Variants in FAM168A observed in about 807,000 individuals in gnomAD.
FAM168A encodes family with sequence similarity 168 member A.
FAM168A carries 3 observed loss-of-function variants against 28.5 expected under a neutral mutation model. The observed-to-expected ratio is 0.11, with a 90% CI of 0.05 to 0.27. The LOEUF is 0.27. Among genes scored for constraint, FAM168A ranks in the 10% least tolerant of loss-of-function variants. The pLI, the probability that FAM168A is intolerant of heterozygous loss-of-function variation, is 1.00. For synonymous variants in FAM168A, 122 were observed against 124.2 expected, an observed-to-expected ratio of 0.98 and a Z score of 0.12; for missense variants, 222 against 311.5, an observed-to-expected ratio of 0.71 and a Z score of 2.16.
chr11:73,437,166 C>T (rs1394187936), intron 2 of FAM168A, among the ~76,000 whole-genome samples: 1 of 151,838 alleles, frequency 6.6e-6, no homozygotes, highest in African/African-American at 2.4e-5. Flanking sequence ...GGCGCTATCT[C>T]GGCTTACTGC....
At chr11:73,478,511 G>GA (rs1381309363) in intron 1 of FAM168A, among the ~76,000 whole-genome samples, 1 of 151,050 alleles carries the variant, frequency 6.6e-6, no homozygotes, top group Non-Finnish European at 1.5e-5. Context: ...CTTTGGTGTG[G>GA]AAAAAAAGTC....
intron 1 of FAM168A, among the ~76,000 whole-genome samples, chr11:73,549,715 C>T (rs1943803767): frequency 6.6e-6 from 1 of 152,214 alleles, no homozygotes; most frequent in Admixed American, 6.5e-5. Context: ...TCACACACCA[C>T]TCATGATTTA....
At chr11:73,485,544 G>C (rs939368626) in intron 1 of FAM168A, among the ~76,000 whole-genome samples, 3 of 152,170 alleles carry the variant, frequency 2.0e-5, no homozygotes, top group Admixed American at 2.0e-4. Context: ...AAAGCTGAGC[G>C]TTCTTAGCAA....
At chr11:73,564,124 C>G (rs546476801) in intron 1 of FAM168A, among the ~76,000 whole-genome samples, 2 of 152,272 alleles carry the variant, frequency 1.3e-5, no homozygotes, top group African/African-American at 4.8e-5. Flanking sequence ...TTACAAAAGT[C>G]CTGAACATTC....
intron 4 of FAM168A, among the ~76,000 whole-genome samples, chr11:73,411,778 AG>A (rs1866615909): frequency 6.6e-6 from 1 of 152,098 alleles, no homozygotes; most frequent in Non-Finnish European, 1.5e-5. Context: ...TCTGGGTCTC[AG>A]GGCTCTCATC....
intron 1 of FAM168A, among the ~76,000 whole-genome samples, chr11:73,515,420 A>G (rs1943288338): frequency 6.6e-6 from 1 of 151,406 alleles, no homozygotes; most frequent in Non-Finnish European, 1.5e-5. Context: ...GAGGCAGGAG[A>G]TCACCTGAAC....
intron 2 of FAM168A, among the ~76,000 whole-genome samples, chr11:73,434,964 T>A (rs1050245699): frequency 6.6e-6 from 1 of 152,234 alleles, no homozygotes; most frequent in African/African-American, 2.4e-5. Flanking sequence ...TTGTACTTGT[T>A]CTAGCAGTGT....
chr11:73,528,720 C>G (rs1424048918), intron 1 of FAM168A, among the ~76,000 whole-genome samples: 3 of 152,110 alleles, frequency 2.0e-5, no homozygotes, highest in Non-Finnish European at 4.4e-5. Flanking sequence ...ACACTCTGAC[C>G]CTGCAAGTAA....
intron 1 of FAM168A, among the ~76,000 whole-genome samples, chr11:73,508,989 A>G (rs1385256861): frequency 6.6e-6 from 1 of 152,152 alleles, no homozygotes; most frequent in East Asian, 1.9e-4. Context: ...GCCATGTAAG[A>G]CATGCCTTTG....
chr11:73,425,330 T>TGG (rs1228074221), intron 3 of FAM168A, among the ~76,000 whole-genome samples: 1 of 152,218 alleles, frequency 6.6e-6, no homozygotes, highest in Admixed American at 6.5e-5. Flanking sequence ...TCCTGCTTTT[T>TGG]GCTTGTCTGT....
At chr11:73,428,238 G>C (rs555429278) in intron 3 of FAM168A, among the ~76,000 whole-genome samples, 1 of 152,190 alleles carries the variant, frequency 6.6e-6, no homozygotes, top group African/African-American at 2.4e-5. Flanking sequence ...CACCTCTCCT[G>C]TATCTCTGAC....
chr11:73,546,430 T>G (rs1412181816), intron 1 of FAM168A, among the ~76,000 whole-genome samples: 3 of 152,124 alleles, frequency 2.0e-5, no homozygotes, highest in African/African-American at 7.2e-5. Flanking sequence ...GGAAAGCACC[T>G]ATTAAAAAGC....
chr11:73,581,780 G>A (rs1188848009), intron 1 of FAM168A, among the ~76,000 whole-genome samples: 1 of 151,786 alleles, frequency 6.6e-6, no homozygotes, highest in Non-Finnish European at 1.5e-5. Flanking sequence ...GTGCAGTGGC[G>A]CAATCTCGCC....
Position 73,522,286 on chromosome 11 carries a change from A to G in FAM168A, c.-18-53794T>C, listed in dbSNP as rs76004217. 4.4e-3 allele frequency among the ~76,000 whole-genome samples: 659 copies of G among 151,260 alleles called. 6 individuals are homozygous for G. The highest frequency in any genetic ancestry group is 0.015 in the African/African-American group (628 of 41,248). ...TTAATTTATTAACACAGAATCAGCT[A>G]CTCAGGAACCGGGGTCATCAGGACT... On this transcript the variant is annotated intron_variant, in intron 1 of 7. Transcript: ENST00000356467.
intron 2 of FAM168A, among the ~76,000 whole-genome samples, chr11:73,442,604 T>C (rs1043104251): frequency 1.3e-5 from 2 of 152,166 alleles, no homozygotes; most frequent in Non-Finnish European, 2.9e-5. Flanking sequence ...AATTTCTTTC[T>C]GTTACTGATT....
intron 1 of FAM168A, among the ~76,000 whole-genome samples, chr11:73,479,410 AAAGG>A (rs1199588954): frequency 1.3e-5 from 2 of 152,242 alleles, no homozygotes; most frequent in African/African-American, 2.4e-5. Flanking sequence ...TCTATGTTTT[AAAGG>A]ATGACAGGAA....
intron 2 of FAM168A, among the ~76,000 whole-genome samples, chr11:73,454,827 G>C (rs1408357210): frequency 6.6e-6 from 1 of 152,072 alleles, no homozygotes; most frequent in East Asian, 1.9e-4. Context: ...TACCCAACCC[G>C]TCCCCTTTTC....
chr11:73,471,006 C>G (rs1326899466), intron 1 of FAM168A, among the ~76,000 whole-genome samples: 6 of 152,114 alleles, frequency 3.9e-5, no homozygotes, highest in Non-Finnish European at 8.8e-5. Context: ...GGGTAGCACT[C>G]CATGATAGCA....
rs1349152899 is a variant in FAM168A, at chr11:73,404,432, G to A, written c.*2331C>T. 6.6e-6 allele frequency: 1 copy of A among 152,104 alleles called. No individual in the cohort carries two copies. Among genetic ancestry groups the A allele is most frequent in the Non-Finnish European group, 1.5e-5 (1 of 68,028 alleles). The allele number at this position is 152,104 out of a possible 1,614,324, so 9.4% of individuals were successfully genotyped here. A position where few individuals can be genotyped will look rare whatever the true frequency, so the allele number is the denominator to read the frequency against. On this transcript the variant is annotated 3_prime_UTR_variant, in exon 8 of 8. Coordinates refer to ENST00000356467, the MANE Select transcript of FAM168A (RefSeq NM_015159.3). ...TGTGATGCACCTGACAAATCCAAAG[G>A]TTTCTATTATTATTATCATTATTAT... is the stretch of plus-strand genomic sequence containing the variant.
Sources: allele counts gnomAD v4.1 joint callset (sites outside exome capture counted in the v4.1 genomes callset), GRCh38; gene constraint gnomAD v4.1.1; transcripts MANE v1.5; gene names NCBI Gene and HGNC (gene_info 2026-07-23, HGNC 2026-07-21).